The following VWDE variants were observed in gnomAD, a reference collection of about 807,000 sequenced individuals.
VWDE encodes von Willebrand factor D and EGF domain-containing protein.
A neutral mutation model predicts 178.4 loss-of-function variants in VWDE; 207 were observed. That is an observed-to-expected ratio of 1.16 (90% CI 1.04 to 1.30). VWDE has a LOEUF of 1.30. VWDE is among the 50% of genes most tolerant of loss of function. VWDE has a pLI of 0.00. For missense variants in VWDE, 2,287 were observed against 1,901.3 expected (o/e 1.20, Z -3.77); for synonymous variants, 738 against 651.4 (o/e 1.13, Z -2.02).
At chr7:12,347,941 T>G (rs896834404) in intron 19 of VWDE, among the ~76,000 whole-genome samples, 1 of 152,106 alleles carries the variant, frequency 6.6e-6, no homozygotes, top group Non-Finnish European at 1.5e-5. Flanking sequence ...CTATCTGATC[T>G]TTGACAAACC....
chr7:12,371,791 A>G, intron 10 of VWDE, among the ~76,000 whole-genome samples: 1 of 152,120 alleles, frequency 6.6e-6, no homozygotes, highest in East Asian at 1.9e-4. Context: ...TCATGACTAC[A>G]AAGTATTCTA....
intron 27 of VWDE, among the ~76,000 whole-genome samples, chr7:12,335,885 C>T (rs980070380): frequency 2.6e-5 from 4 of 152,132 alleles, no homozygotes; most frequent in Admixed American, 1.3e-4. Context: ...CCTGGGGAAA[C>T]TTTATTGGTA....
At chr7:12,391,727 A>G (rs531623956) in intron 2 of VWDE, among the ~76,000 whole-genome samples, 7 of 152,330 alleles carry the variant, frequency 4.6e-5, no homozygotes, top group East Asian at 3.9e-4. Flanking sequence ...TAAAATTTCA[A>G]TGTCTTTCCA....
chr7:12,353,640 TA>T (rs1782064025), intron 18 of VWDE, among the ~76,000 whole-genome samples: 1 of 35,866 alleles, frequency 2.8e-5, no homozygotes, highest in Non-Finnish European at 7.5e-5. Flanking sequence ...ATATTTGAAG[TA>T]TTTTCTTAAC....
Position 12,373,075 on chromosome 7 carries a change from C to T in VWDE, c.1489G>A (p.Gly497Ser), listed in dbSNP as rs1783300316. 2 of 1,551,190 alleles carry T rather than the reference C, an allele frequency of 1.3e-6. No homozygotes were observed. The highest frequency in any genetic ancestry group is 1.2e-5 in the South Asian group (1 of 84,052). Residue 497 changes from glycine to serine, a missense_variant, in exon 10 of 29, where the codon GGT becomes AGT. Gly to Ser is a moderately conservative substitution (Grantham distance 56, BLOSUM62 0). Coordinates refer to ENST00000275358, the MANE Select transcript of VWDE (RefSeq NM_001135924.3). ...TATGGTTGTGATTCACGTAGCTGAC[C>T]ATTGCACATATCAAAAGTAACTATA... ...GDIVTFDMCN[G>S]QLRESQPYLF...
At chr7:12,342,807 T>C (rs1199071373) in intron 22 of VWDE, among the ~76,000 whole-genome samples, 3 of 151,986 alleles carry the variant, frequency 2.0e-5, no homozygotes, top group East Asian at 3.9e-4. Flanking sequence ...GCATTAGGTA[T>C]ATCTCCTAAT....
At position 12,359,604 on chromosome 7, in the gene VWDE, G is replaced by A; in HGVS notation, c.3248C>T (p.Ser1083Leu). 1 of 1,549,810 alleles carries A rather than the reference G, an allele frequency of 6.5e-7. No homozygotes were observed. The highest frequency in any genetic ancestry group is 8.7e-7 in the Non-Finnish European group (1 of 1,145,846). ...SPCLICRPKI[S>L]RFTWSFLENN... is the part of the protein sequence containing the mutation. ...TTCTAAAAATGACCAAGTAAATCTT[G>A]AAATTTTGGGTCTACAAATCAAACA... Residue 1083 changes from serine (S) to leucine (L), a missense_variant, in exon 16 of 29, where the codon TCA becomes TTA. Ser to Leu is a moderately radical substitution (Grantham distance 145). Transcript: ENST00000275358.
Position 12,374,940 on chromosome 7 carries a change from A to T in VWDE, c.1242+70T>A, listed in dbSNP as rs182388892. Reference sequence around the variant, plus strand: ...AAATTTTTTACATAAAAAGTTTATAAGACATAATGATAAAATACACATTTC... The same window carrying T: ...AAATTTTTTACATAAAAAGTTTATATGACATAATGATAAAATACACATTTC... On this transcript the variant is annotated intron_variant, in intron 8 of 28. Coordinates refer to ENST00000275358, the MANE Select transcript of VWDE (RefSeq NM_001135924.3). The T allele has an allele frequency of 5.1e-4, 730 of 1,423,600 alleles. 8 individuals carry two copies. The African/African-American group carries it at 9.7e-3, about 19-fold the overall frequency. The allele number at this position is 1,423,600 out of a possible 1,614,324, so 88.2% of individuals were successfully genotyped here. A position where few individuals can be genotyped will look rare whatever the true frequency, so the allele number is the denominator to read the frequency against.
intron 19 of VWDE, among the ~76,000 whole-genome samples, chr7:12,347,381 T>C (rs542371747): frequency 6.6e-6 from 1 of 152,252 alleles, no homozygotes; most frequent in Non-Finnish European, 1.5e-5. Context: ...ACATTTTTTC[T>C]TTTGAAATGT....
chr7:12,344,421 T>C lies in VWDE; in HGVS notation c.3935A>G (p.Asn1312Ser). ...CGKSRECVAP[N>S]ICKCKPGYIG... Reference sequence around the variant, plus strand: ...GTAACCAGGTTTACATTTGCAGATGTTTGGGGCAACACACTCCCTACTTTT... The same window carrying C: ...GTAACCAGGTTTACATTTGCAGATGCTTGGGGCAACACACTCCCTACTTTT... Residue 1312 changes from asparagine to serine, a missense_variant, in exon 20 of 29, where the codon AAC (asparagine) becomes AGC (serine). Transcript: ENST00000275358. 1 of 1,551,024 alleles carries C rather than the reference T, an allele frequency of 6.4e-7. No homozygotes were observed. The highest frequency in any genetic ancestry group is 8.7e-7 in the Non-Finnish European group (1 of 1,146,616).
intron 3 of VWDE, among the ~76,000 whole-genome samples, chr7:12,387,803 G>A (rs1028493856): frequency 2.0e-5 from 3 of 152,052 alleles, no homozygotes; most frequent in Admixed American, 6.6e-5. Context: ...TGATAACACT[G>A]TCTAAAAGAG....
chr7:12,337,330 T>C, intron 24 of VWDE, 58 bp from the exon 25 acceptor site: 3 of 1,354,298 alleles, frequency 2.2e-6, no homozygotes, highest in South Asian at 1.2e-5. Flanking sequence ...CTACATATGA[T>C]ACATTGCATC....
At position 12,340,327 on chromosome 7, in the gene VWDE, T is replaced by C; in HGVS notation, c.4361A>G (p.Gln1454Arg). 1 of 1,550,180 alleles carries C rather than the reference T, an allele frequency of 6.5e-7. No individual in the cohort carries two copies. The highest frequency in any genetic ancestry group is 8.7e-7 in the Non-Finnish European group (1 of 1,145,916). Reference sequence around the variant, plus strand: ...TACAAAGAAAGAATAATTACCATTCTGACAGTGTTCCCCAAAGAATCCATT... The same window carrying C: ...TACAAAGAAAGAATAATTACCATTCCGACAGTGTTCCCCAAAGAATCCATT... ...CPNGFFGEHC[Q>R]NAFCHPPCKN... Residue 1454 changes from glutamine to arginine, a missense_variant, in exon 24 of 29, where the codon CAG (glutamine) becomes CGG (arginine). Physicochemically the swap from Gln to Arg is conservative, Grantham distance 43. Transcript: ENST00000275358.
chr7:12,334,053 G>A (rs1444830654), intron 27 of VWDE, among the ~76,000 whole-genome samples: 1 of 152,052 alleles, frequency 6.6e-6, no homozygotes, highest in Middle Eastern at 3.2e-3. Context: ...TACTCATGCT[G>A]TCTATATCAT....
At chr7:12,340,834 A>C (rs1426428249) in intron 23 of VWDE, among the ~76,000 whole-genome samples, 1 of 152,214 alleles carries the variant, frequency 6.6e-6, no homozygotes, top group Non-Finnish European at 1.5e-5. Context: ...ATCTGTTCAA[A>C]TACATGTAGC....
At chr7:12,348,585 G>A (rs1260813656) in intron 19 of VWDE, among the ~76,000 whole-genome samples, 2 of 150,070 alleles carry the variant, frequency 1.3e-5, no homozygotes, top group East Asian at 3.9e-4. Context: ...AACAGGTACT[G>A]GAGAGGATGT....
chr7:12,370,720 C>G lies in VWDE; in HGVS notation c.1732G>C (p.Asp578His). 1.3e-6 allele frequency: 2 copies of G among 1,551,116 alleles called. No homozygotes were observed. Among genetic ancestry groups the G allele is most frequent in the Non-Finnish European group, 1.7e-6 (2 of 1,146,680 alleles). ...FDENPENDFH[D>H]KNGMQIDQNF... Reference sequence around the variant, plus strand: ...TGATCAATTTGCATCCCATTTTTGTCATGGAAATCATTTTCCGGATTTTCA... The same window carrying G: ...TGATCAATTTGCATCCCATTTTTGTGATGGAAATCATTTTCCGGATTTTCA... The change falls in exon 11 of 29, where the codon GAC becomes CAC. Residue 578 changes from aspartate (D) to histidine (H), a missense_variant. Transcript: ENST00000275358.
intron 19 of VWDE, among the ~76,000 whole-genome samples, chr7:12,346,982 A>C (rs1781640235): frequency 6.6e-6 from 1 of 152,158 alleles, no homozygotes; most frequent in Non-Finnish European, 1.5e-5. Context: ...ATTTTTGAAA[A>C]ATGTGAGGAC....
chr7:12,370,552 A>T (rs913938889), intron 11 of VWDE, 43 bp from the exon 12 acceptor site: 2 of 1,527,780 alleles, frequency 1.3e-6, no homozygotes, highest in African/African-American at 2.8e-5. Context: ...TTTGTACATA[A>T]ACATTTGTTT....
Sources: allele counts gnomAD v4.1 joint callset (sites outside exome capture counted in the v4.1 genomes callset), GRCh38; gene constraint gnomAD v4.1.1; transcripts MANE v1.5; gene names NCBI Gene and HGNC (gene_info 2026-07-23, HGNC 2026-07-21).